Variants in HPSE2 observed in about 807,000 individuals in gnomAD.
The protein encoded by HPSE2 is heparanase 2 (inactive).
In HPSE2, 38 loss-of-function variants were observed where a neutral mutation model predicts 60.5. That is an observed-to-expected ratio of 0.63 (90% CI 0.48 to 0.82). The LOEUF (loss-of-function observed/expected upper bound fraction) is 0.82, where lower values mean the gene tolerates loss of function less well. Ranked by LOEUF, HPSE2 falls within the 40% of genes least tolerant of loss-of-function variation. The probability of loss-of-function intolerance (pLI) is 0.00; values close to 1 mark genes in which losing one functional copy is unlikely to be tolerated. For synonymous variants in HPSE2, 295 were observed against 293.2 expected, an observed-to-expected ratio of 1.01 and a Z score of -0.06; for missense variants, 713 against 740.4, an observed-to-expected ratio of 0.96 and a Z score of 0.43.
chr10:99,005,750 A>T (rs1956877109), intron 3 of HPSE2, among the ~76,000 whole-genome samples: 2 of 152,118 alleles, frequency 1.3e-5, no homozygotes, highest in Non-Finnish European at 2.9e-5. Flanking sequence ...CTTACATTGA[A>T]GCTTGCACAT....
At chr10:98,497,031 A>G (rs55722005) in intron 9 of HPSE2, among the ~76,000 whole-genome samples, 1,522 of 151,944 alleles carry the variant, frequency 0.01, 30 homozygotes, top group African/African-American at 0.031. Context: ...TTATTTAAAG[A>G]TTTAAACTTT....
At chr10:98,949,412 T>C (rs1447130709) in intron 3 of HPSE2, among the ~76,000 whole-genome samples, 3 of 150,030 alleles carry the variant, frequency 2.0e-5, no homozygotes, top group Admixed American at 6.6e-5. Flanking sequence ...AAATTCAGTC[T>C]TTCTCTGGTG....
chr10:98,539,277 T>C (rs961516140), intron 9 of HPSE2, among the ~76,000 whole-genome samples: 7 of 152,188 alleles, frequency 4.6e-5, no homozygotes, highest in Non-Finnish European at 1.0e-4. Flanking sequence ...ATCCCAGCTC[T>C]TTGGGAGGCT....
At chr10:98,898,580 G>T (rs1385429382) in intron 3 of HPSE2, among the ~76,000 whole-genome samples, 1 of 152,164 alleles carries the variant, frequency 6.6e-6, no homozygotes, top group Non-Finnish European at 1.5e-5. Context: ...GGAAGGAAGG[G>T]ATGGTTGAAT....
the HPSE2 span, among the ~76,000 whole-genome samples, chr10:99,305,818 G>C: frequency 3.3e-5 from 5 of 151,948 alleles, no homozygotes. Context: ...GGAATTTATA[G>C]AAAGAATCAA....
chr10:99,072,353 G>T (rs1031230625), intron 3 of HPSE2, among the ~76,000 whole-genome samples: 50 of 44,292 alleles, frequency 1.1e-3, no homozygotes, highest in Non-Finnish European at 4.2e-3. Flanking sequence ...TATCATCAGA[G>T]CAAACAGGCA....
intron 6 of HPSE2, among the ~76,000 whole-genome samples, chr10:98,679,288 T>C (rs867393725): frequency 2.1e-4 from 32 of 152,334 alleles, no homozygotes; most frequent in African/African-American, 7.2e-4. Flanking sequence ...TGGAGGTCTC[T>C]AAGACCCCTT....
chr10:98,908,435 G>T (rs1415846570), intron 3 of HPSE2, among the ~76,000 whole-genome samples: 1 of 152,148 alleles, frequency 6.6e-6, no homozygotes, highest in South Asian at 2.1e-4. Context: ...TGTTATCCCA[G>T]CACTTTGTGA....
intron 7 of HPSE2, among the ~76,000 whole-genome samples, chr10:98,641,485 G>T (rs1261325668): frequency 6.6e-6 from 1 of 152,004 alleles, no homozygotes; most frequent in African/African-American, 2.4e-5. Flanking sequence ...TACTCGGGAA[G>T]CTGAGGCAGG....
the HPSE2 span, among the ~76,000 whole-genome samples, chr10:99,268,713 T>G: frequency 1.3e-5 from 2 of 151,512 alleles, no homozygotes. Flanking sequence ...ATAAATTGAT[T>G]AATTAATTAA....
At chr10:99,285,786 A>G in the HPSE2 span, among the ~76,000 whole-genome samples, 8 of 152,052 alleles carry the variant, frequency 5.3e-5, no homozygotes, top group Non-Finnish European at 8.8e-5. Context: ...TTAGCCAGGT[A>G]TGGTGGCACA....
At chr10:99,311,773 A>C in the HPSE2 span, among the ~76,000 whole-genome samples, 1 of 152,258 alleles carries the variant, frequency 6.6e-6, no homozygotes, top group South Asian at 2.1e-4. Flanking sequence ...AATTAAGCTT[A>C]GTGAGGAAGG....
At chr10:98,675,996 T>C (rs940456534) in intron 6 of HPSE2, among the ~76,000 whole-genome samples, 5 of 151,704 alleles carry the variant, frequency 3.3e-5, no homozygotes, top group African/African-American at 9.7e-5. Flanking sequence ...TGAGCTTTGA[T>C]TGTGCCACTG....
intron 2 of HPSE2, among the ~76,000 whole-genome samples, chr10:99,154,096 A>G (rs1184511923): frequency 6.7e-6 from 1 of 149,100 alleles, no homozygotes; most frequent in African/African-American, 2.4e-5. Context: ...GAAATATGAG[A>G]CTATGTGAAA....
chr10:98,607,438 T>C (rs771566521), intron 9 of HPSE2, among the ~76,000 whole-genome samples: 2 of 152,226 alleles, frequency 1.3e-5, no homozygotes, highest in Non-Finnish European at 2.9e-5. Flanking sequence ...CATTAGCACT[T>C]TGATGTCACA....
intron 3 of HPSE2, among the ~76,000 whole-genome samples, chr10:98,830,443 C>T (rs1951658119): frequency 6.6e-6 from 1 of 152,116 alleles, no homozygotes; most frequent in Non-Finnish European, 1.5e-5. Flanking sequence ...ACCTAATGGG[C>T]AAAGGACACC....
intron 6 of HPSE2, among the ~76,000 whole-genome samples, chr10:98,662,631 A>G (rs573796477): frequency 6.6e-6 from 1 of 152,302 alleles, no homozygotes; most frequent in Non-Finnish European, 1.5e-5. Context: ...TGATGAAATA[A>G]TCTGTACAAC....
At chr10:98,751,924 G>T (rs538642950) in intron 3 of HPSE2, among the ~76,000 whole-genome samples, 54 of 152,242 alleles carry the variant, frequency 3.5e-4, no homozygotes, top group African/African-American at 1.3e-3. Context: ...AAATTTAAGG[G>T]TTTACTTTTG....
chr10:98,808,978 A>G (rs377590190), intron 3 of HPSE2, among the ~76,000 whole-genome samples: 4 of 152,116 alleles, frequency 2.6e-5, no homozygotes, highest in African/African-American at 9.7e-5. Context: ...CAAAACAGCT[A>G]ATTTACAGAT....
Sources: gnomAD v4.1 joint callset for allele counts (sites outside exome capture counted in the v4.1 genomes callset) on GRCh38, gnomAD v4.1.1 for gene constraint, MANE v1.5 for transcripts, NCBI Gene and HGNC (gene_info 2026-07-23, HGNC 2026-07-21) for gene names.